Variants in PKN2 observed in about 807,000 individuals in gnomAD.
PKN2 encodes serine/threonine-protein kinase N2.
Under a neutral mutation model 119.1 loss-of-function variants are expected in PKN2, and 38 were observed. The ratio of observed to expected loss-of-function variants is 0.32; its 90% confidence interval spans 0.25 to 0.42. The LOEUF (loss-of-function observed/expected upper bound fraction) is 0.42, where lower values mean the gene tolerates loss of function less well. Ranked by LOEUF, PKN2 falls within the 10% of genes least tolerant of loss-of-function variation. The pLI is 1.00. For synonymous variants in PKN2, 390 were observed against 384.9 expected, an observed-to-expected ratio of 1.01 and a Z score of -0.15; for missense variants, 850 against 1,165.1, an observed-to-expected ratio of 0.73 and a Z score of 3.94.
intron 2 of PKN2, among the ~76,000 whole-genome samples, chr1:88,746,295 C>T (rs866255234): frequency 6.6e-6 from 1 of 151,938 alleles, no homozygotes; most frequent in Non-Finnish European, 1.5e-5. Flanking sequence ...GAAACTTCTG[C>T]ACAGCAAAGG....
chr1:88,753,456 T>G (rs572942274), intron 2 of PKN2, among the ~76,000 whole-genome samples: 1 of 152,306 alleles, frequency 6.6e-6, no homozygotes, highest in South Asian at 2.1e-4. Context: ...TTTCGTTGGA[T>G]ATATACAATC....
chr1:88,754,303 G>A (rs1449248331), intron 2 of PKN2, among the ~76,000 whole-genome samples: 2 of 151,306 alleles, frequency 1.3e-5, no homozygotes, highest in East Asian at 3.9e-4. Flanking sequence ...CTATTTTTCA[G>A]TATTAATCTG....
chr1:88,762,763 A>G (rs182080333), intron 3 of PKN2, among the ~76,000 whole-genome samples: 24 of 152,324 alleles, frequency 1.6e-4, no homozygotes, highest in Admixed American at 7.8e-4. Context: ...TTAACTGCCA[A>G]TAAAATCTTT....
chr1:88,807,372 A>G lies in PKN2; in HGVS notation c.1863A>G (p.Gln621=), dbSNP rs372278347. 99 of 1,599,808 alleles carry G rather than the reference A, an allele frequency of 6.2e-5. 1 individual carries two copies. The African/African-American group carries it at 1.3e-3, about 21-fold the overall frequency. The stretch of plus-strand genomic sequence containing the variant: ...GAAATAGTATACTTCCAAAATCTCA[A>G]TCTGAATACAAGCCTGATACTCCTC... ...NDRNSILPKS[Q]SEYKPDTPQS... The change falls in exon 13 of 22, where the codon CAA becomes CAG. Residue 621 remains glutamine, a synonymous_variant. Coordinates refer to ENST00000370521, the MANE Select transcript of PKN2 (RefSeq NM_006256.4).
intron 3 of PKN2, among the ~76,000 whole-genome samples, chr1:88,762,089 A>G (rs1478821469): frequency 6.6e-6 from 1 of 152,136 alleles, no homozygotes; most frequent in African/African-American, 2.4e-5. Flanking sequence ...AGGAAAAGCA[A>G]GTGTGTATGT....
At chr1:88,685,032 A>G (rs1379634352) in intron 1 of PKN2, 9 of 182,604 alleles carry the variant, frequency 4.9e-5, no homozygotes, top group Non-Finnish European at 9.0e-5. Context: ...TCCTCCGTAC[A>G]CCGCTCCTTA....
chr1:88,734,798 G>GA (rs985920361), intron 1 of PKN2, among the ~76,000 whole-genome samples: 1 of 151,880 alleles, frequency 6.6e-6, no homozygotes. Flanking sequence ...TGAAGCTTAT[G>GA]AAAAAAATCT....
chr1:88,754,740 G>A (rs1669134593), intron 2 of PKN2, among the ~76,000 whole-genome samples: 1 of 152,134 alleles, frequency 6.6e-6, no homozygotes. Context: ...CCATCTTAAA[G>A]CACAACAATT....
chr1:88,716,297 T>C (rs1667449688), intron 1 of PKN2, among the ~76,000 whole-genome samples: 1 of 152,176 alleles, frequency 6.6e-6, no homozygotes, highest in South Asian at 2.1e-4. Flanking sequence ...GTTCTGTAGA[T>C]GTCTATTAGG....
intron 18 of PKN2, among the ~76,000 whole-genome samples, chr1:88,828,274 AC>A (rs1672590058): frequency 6.6e-6 from 1 of 152,146 alleles, no homozygotes; most frequent in African/African-American, 2.4e-5. Flanking sequence ...ATTTCTATTT[AC>A]CCATTAATTA....
chr1:88,786,058 A>G (rs779717609), intron 7 of PKN2, 46 bp from the exon 8 acceptor site: 13 of 1,148,128 alleles, frequency 1.1e-5, no homozygotes, highest in Non-Finnish European at 1.7e-5. Flanking sequence ...TCTGTTTTTT[A>G]TAAAGGTTTA....
chr1:88,717,168 T>G (rs936505632), intron 1 of PKN2, among the ~76,000 whole-genome samples: 4 of 152,182 alleles, frequency 2.6e-5, no homozygotes, highest in African/African-American at 9.7e-5. Context: ...AGATCAGCTG[T>G]TAGTCTGATG....
intron 6 of PKN2, among the ~76,000 whole-genome samples, chr1:88,779,727 C>T (rs1670257019): frequency 6.6e-6 from 1 of 152,096 alleles, no homozygotes; most frequent in South Asian, 2.1e-4. Context: ...TATCACATTC[C>T]GGTTGTTAAA....
intron 3 of PKN2, among the ~76,000 whole-genome samples, chr1:88,762,360 C>A (rs536369291): frequency 3.9e-5 from 6 of 152,228 alleles, no homozygotes; most frequent in Admixed American, 2.6e-4. Context: ...AAATGGAGGT[C>A]GAAAGCCTAT....
At chr1:88,811,140 C>T (rs969456110) in intron 15 of PKN2, among the ~76,000 whole-genome samples, 7 of 152,128 alleles carry the variant, frequency 4.6e-5, no homozygotes, top group African/African-American at 1.7e-4. Context: ...CCCATTTGCC[C>T]TTCAGTTGCT....
intron 18 of PKN2, among the ~76,000 whole-genome samples, chr1:88,825,135 T>C (rs1453621319): frequency 6.6e-6 from 1 of 152,240 alleles, no homozygotes; most frequent in Admixed American, 6.5e-5. Context: ...GATTAATAAG[T>C]AGTTGGATGA....
intron 8 of PKN2, among the ~76,000 whole-genome samples, chr1:88,796,145 A>G (rs1231418700): frequency 3.9e-5 from 6 of 152,204 alleles, no homozygotes; most frequent in African/African-American, 1.4e-4. Context: ...GACCAGAAGT[A>G]TTTTAGATTC....
At chr1:88,764,351 C>G (rs915902314) in intron 3 of PKN2, among the ~76,000 whole-genome samples, 1 of 152,186 alleles carries the variant, frequency 6.6e-6, no homozygotes, top group Non-Finnish European at 1.5e-5. Flanking sequence ...TCACTACTAT[C>G]CTAAGATAAA....
intron 3 of PKN2, among the ~76,000 whole-genome samples, chr1:88,764,049 T>A (rs1669560408): frequency 6.6e-6 from 1 of 152,236 alleles, no homozygotes; most frequent in Non-Finnish European, 1.5e-5. Flanking sequence ...TTCACCCTCC[T>A]GCTTCAAAAC....
Sources: allele counts gnomAD v4.1 joint callset (sites outside exome capture counted in the v4.1 genomes callset), GRCh38; gene constraint gnomAD v4.1.1; transcripts MANE v1.5; gene names NCBI Gene and HGNC (gene_info 2026-07-23, HGNC 2026-07-21).